ZCCHC14: variants seen among roughly 807,000 people sequenced by gnomAD.
ZCCHC14 encodes zinc finger CCHC domain-containing protein 14.
ZCCHC14 carries 16 observed loss-of-function variants against 85.0 expected under a neutral mutation model. That is an observed-to-expected ratio of 0.19 (90% confidence interval 0.13 to 0.29). The LOEUF (loss-of-function observed/expected upper bound fraction) is 0.29, where lower values mean the gene tolerates loss of function less well. Among genes scored for constraint, ZCCHC14 ranks in the 10% least tolerant of loss-of-function variants. The pLI, the probability that ZCCHC14 is intolerant of heterozygous loss-of-function variation, is 1.00. For missense variants in ZCCHC14, 1,303 were observed against 1,443.5 expected (o/e 0.90, Z 1.58); for synonymous variants, 775 against 630.7 (o/e 1.23, Z -3.43).
At chr16:87,433,016 G>T in intron 3 of ZCCHC14, 112 bp downstream of exon 3, 4 of 1,170,170 alleles carry the variant, frequency 3.4e-6, no homozygotes, top group Non-Finnish European at 4.9e-6. Flanking sequence ...TACAGCACTG[G>T]CACGGGGCTT....
At chr16:87,468,075 T>C (rs1408592267) in intron 1 of ZCCHC14, among the ~76,000 whole-genome samples, 3 of 152,236 alleles carry the variant, frequency 2.0e-5, no homozygotes, top group Non-Finnish European at 4.4e-5. Flanking sequence ...GGTAAGATTC[T>C]GTCTCTTAAG....
At chr16:87,478,365 T>TG (rs933826057) in intron 1 of ZCCHC14, among the ~76,000 whole-genome samples, 2 of 152,116 alleles carry the variant, frequency 1.3e-5, no homozygotes, top group African/African-American at 4.8e-5. Context: ...TGATCAGTGG[T>TG]GGAAAACAAT....
intron 4 of ZCCHC14, among the ~76,000 whole-genome samples, chr16:87,421,668 C>G (rs1425584754): frequency 6.6e-6 from 1 of 152,150 alleles, no homozygotes; most frequent in Non-Finnish European, 1.5e-5. Flanking sequence ...GCAGGGACGG[C>G]TGAAAGCTGG....
intron 1 of ZCCHC14, among the ~76,000 whole-genome samples, chr16:87,485,770 G>A (rs1432542556): frequency 1.3e-5 from 2 of 152,040 alleles, no homozygotes; most frequent in Non-Finnish European, 2.9e-5. Context: ...TCTACTAGCT[G>A]GACTCTGAAG....
At chr16:87,456,500 T>C (rs961681337) in intron 2 of ZCCHC14, among the ~76,000 whole-genome samples, 4 of 119,188 alleles carry the variant, frequency 3.4e-5, no homozygotes, top group Non-Finnish European at 3.2e-5. Context: ...GCCACTGCAC[T>C]CCAGCCTGGG....
At chr16:87,480,563 A>G (rs1340037788) in intron 1 of ZCCHC14, among the ~76,000 whole-genome samples, 3 of 152,312 alleles carry the variant, frequency 2.0e-5, no homozygotes, top group African/African-American at 4.8e-5. Flanking sequence ...AGGAGTGACT[A>G]CTGTGGCCAC....
rs1597404177 is a variant in ZCCHC14 at position 87,420,750 on chromosome 16, C to T, written c.841-34G>A. On this transcript the variant is annotated intron_variant, in intron 4 of 12. Transcript: ENST00000671377. The surrounding 1 kb of genome is among the most constrained non-coding windows in gnomAD (Gnocchi z 5.0). ...GAGGACAAGGTAGAGGAGGTGTGTC[C>T]AGACCCATCCAACACCAGCAGAATT... is the stretch of plus-strand genomic sequence containing the variant. 1.3e-6 allele frequency: 2 copies of T among 1,553,140 alleles called. No individual in the cohort carries two copies. The highest frequency in any genetic ancestry group is 1.8e-6 in the Non-Finnish European group (2 of 1,142,832).
At chr16:87,458,308 G>A (rs1911075656) in intron 2 of ZCCHC14, among the ~76,000 whole-genome samples, 1 of 152,142 alleles carries the variant, frequency 6.6e-6, no homozygotes, top group Non-Finnish European at 1.5e-5. Context: ...ACAGCGGAGG[G>A]ACTCCCTGCA....
intron 2 of ZCCHC14, 40 bp downstream of exon 2, chr16:87,459,968 G>T: frequency 6.2e-7 from 1 of 1,613,338 alleles, no homozygotes; most frequent in Non-Finnish European, 8.5e-7. Context: ...CCCATCCTCC[G>T]TCCGTCAGAC....
chr16:87,457,244 G>A (rs1420580349), intron 2 of ZCCHC14, among the ~76,000 whole-genome samples: 5 of 152,230 alleles, frequency 3.3e-5, no homozygotes, highest in Admixed American at 2.0e-4. Flanking sequence ...GATTTCACTG[G>A]TTAATGTGTA....
intron 1 of ZCCHC14, among the ~76,000 whole-genome samples, chr16:87,474,686 C>G (rs1911923176): frequency 6.6e-6 from 1 of 152,266 alleles, no homozygotes; most frequent in Non-Finnish European, 1.5e-5. Flanking sequence ...CTAAAGCTCA[C>G]AGAGAGCCCC....
intron 1 of ZCCHC14, among the ~76,000 whole-genome samples, chr16:87,490,143 A>C (rs1912687205): frequency 6.6e-6 from 1 of 152,232 alleles, no homozygotes; most frequent in Admixed American, 6.5e-5. Context: ...CACACACACA[A>C]AAATCAATTT....
At chr16:87,424,402 A>C (rs1471729779) in intron 3 of ZCCHC14, among the ~76,000 whole-genome samples, 1 of 152,152 alleles carries the variant, frequency 6.6e-6, no homozygotes, top group Non-Finnish European at 1.5e-5. Context: ...GCAACAGGAC[A>C]GGGCAGTGAT....
At chr16:87,444,820 T>G (rs1910355373) in intron 2 of ZCCHC14, among the ~76,000 whole-genome samples, 1 of 152,160 alleles carries the variant, frequency 6.6e-6, no homozygotes, top group Non-Finnish European at 1.5e-5. Context: ...AACTTGATCC[T>G]CTGGGTATAA....
chr16:87,445,487 TTA>T (rs1910392755), intron 2 of ZCCHC14, among the ~76,000 whole-genome samples: 1 of 152,240 alleles, frequency 6.6e-6, no homozygotes, highest in Non-Finnish European at 1.5e-5. Context: ...TTTCTGTTAA[TTA>T]TGATTGCTGT....
chr16:87,459,966 C>A, intron 2 of ZCCHC14, 42 bp downstream of exon 2: 1 of 1,613,134 alleles, frequency 6.2e-7, no homozygotes, highest in South Asian at 1.1e-5. Flanking sequence ...TGCCCATCCT[C>A]CGTCCGTCAG....
intron 6 of ZCCHC14, 46 bp downstream of exon 6, chr16:87,419,737 T>C (rs1473197039): frequency 2.3e-6 from 1 of 435,558 alleles, no homozygotes. Context: ...CGCCCAGCTG[T>C]TTTTTTTTTT....
In ZCCHC14 at chr16:87,412,233, C is replaced by T. The variant is rs3748400; in HGVS notation, c.2488G>A (p.Val830Met). The T allele has an allele frequency of 0.71, 1,148,368 of 1,613,764 alleles. 427,060 individuals are homozygous for T. Among genetic ancestry groups the T allele is most frequent in the Non-Finnish European group, 0.77 (907,577 of 1,179,976 alleles). Residue 830 changes from valine to methionine, a missense_variant, in exon 12 of 13, where the codon GTG becomes ATG. Val to Met is a conservative substitution (Grantham distance 21). Coordinates refer to ENST00000671377, the MANE Select transcript of ZCCHC14 (RefSeq NM_015144.3). The part of the protein sequence containing the change: ...VAFSAMSSMP[V>M]GPLQGGFCAN... Reference sequence around the variant, plus strand: ...CAGAAGCCACCCTGCAGGGGGCCCACTGGCATACTGCTCATTGCAGAAAAG... The same window carrying T: ...CAGAAGCCACCCTGCAGGGGGCCCATTGGCATACTGCTCATTGCAGAAAAG...
At chr16:87,415,967 C>A (rs919979345) in intron 8 of ZCCHC14, among the ~76,000 whole-genome samples, 10 of 152,128 alleles carry the variant, frequency 6.6e-5, no homozygotes, top group African/African-American at 2.2e-4. Flanking sequence ...CACTCTGTCA[C>A]CTAGGCTGGA....
Sources: allele counts gnomAD v4.1 joint callset (sites outside exome capture counted in the v4.1 genomes callset), GRCh38; gene constraint gnomAD v4.1.1; non-coding constraint Gnocchi (gnomAD v3.1); transcripts MANE v1.5; gene names NCBI Gene and HGNC (gene_info 2026-07-23, HGNC 2026-07-21).